Variants in CRHR2 observed in about 807,000 individuals in gnomAD.
The protein encoded by CRHR2 is corticotropin releasing hormone receptor 2.
In CRHR2, 53 loss-of-function variants were observed where a neutral mutation model predicts 57.9. The observed-to-expected ratio is 0.92, with a 90% CI of 0.73 to 1.15. CRHR2 has a LOEUF of 1.15. CRHR2 is among the 50% of genes most tolerant of loss of function. The pLI, the probability that CRHR2 is intolerant of heterozygous loss-of-function variation, is 0.00. For missense variants in CRHR2, 532 were observed against 542.6 expected (o/e 0.98, Z 0.19); for synonymous variants, 213 against 220.9 (o/e 0.96, Z 0.32).
intron 1 of CRHR2, among the ~76,000 whole-genome samples, chr7:30,697,528 C>T (rs1468901886): frequency 6.6e-6 from 1 of 152,134 alleles, no homozygotes; most frequent in Non-Finnish European, 1.5e-5. Context: ...AAGGCCTCCA[C>T]GGGGAATAGG....
At chr7:30,682,856 A>T (rs1000342158), upstream of CRHR2, among the ~76,000 whole-genome samples, 4 of 152,226 alleles carry the variant, frequency 2.6e-5, no homozygotes, top group Non-Finnish European at 5.9e-5. Flanking sequence ...CTGAGCGAGG[A>T]CACTGGAGGG....
chr7:30,686,436 G>A, upstream of CRHR2: 2 of 1,533,180 alleles, frequency 1.3e-6, no homozygotes, highest in South Asian at 2.4e-5. Context: ...TTCAGGCCAA[G>A]GCTCTCTTCC....
rs746826366 is a variant in CRHR2 at position 30,665,021 on chromosome 7, G to A, written c.543+49C>T. ...ACCAGACAGACAGATGGGTGCCCCC[G>A]GAGCCCAGAGCCCCCCAGGTATAGC... On this transcript the variant is annotated intron_variant, in intron 5 of 11. Coordinates refer to ENST00000471646, the MANE Select transcript of CRHR2 (RefSeq NM_001883.5). This position sits in a 1 kb window ranked among gnomAD's most constrained non-coding sequence, Gnocchi z 4.5. 1.2e-4 allele frequency: 179 copies of A among 1,503,986 alleles called. 2 individuals carry two copies. Among genetic ancestry groups the A allele is most frequent in the Non-Finnish European group, 1.4e-4 (151 of 1,080,334 alleles). 93.2% of individuals were successfully genotyped at this position (1,503,986 alleles called of 1,614,324 possible). A position where few individuals can be genotyped will look rare whatever the true frequency, so the allele number is the denominator to read the frequency against.
intron 2 of CRHR2, among the ~76,000 whole-genome samples, chr7:30,672,216 A>G (rs1260828245): frequency 6.6e-6 from 1 of 152,162 alleles, no homozygotes; most frequent in African/African-American, 2.4e-5. Context: ...GGTAGTTTCC[A>G]TGACTGTTCC....
In CRHR2 at chr7:30,660,650, G is replaced by T; in HGVS notation, c.759-5C>A. The T allele has an allele frequency of 6.4e-7, 1 of 1,563,444 alleles. No homozygotes were observed. Among genetic ancestry groups the T allele is most frequent in the East Asian group, 2.4e-5 (1 of 42,232 alleles). ...GGCTCCTTGCCAAACCAGCACCTGT[G>T]AAGATGGGGTGGCTGTAGGGGGCCT... On this transcript the variant is annotated splice_polypyrimidine_tract_variant and splice_region_variant and intron_variant, in intron 7 of 11. Transcript: ENST00000471646.
At chr7:30,686,727 T>C (rs775192805), upstream of CRHR2, 8 of 388,714 alleles carry the variant, frequency 2.1e-5, no homozygotes, top group Non-Finnish European at 3.4e-5. Flanking sequence ...TTCAAATATA[T>C]GTAGCTGCCT....
intron 2 of CRHR2, among the ~76,000 whole-genome samples, chr7:30,667,825 G>T (rs73294480): frequency 0.037 from 5,603 of 152,262 alleles, 363 homozygotes; most frequent in African/African-American, 0.13. Flanking sequence ...TCCCATGAAG[G>T]AGGCATTAAT....
chr7:30,654,905 C>T, intron 11 of CRHR2, 134 bp downstream of exon 11: 1 of 1,551,886 alleles, frequency 6.4e-7, no homozygotes, highest in Non-Finnish European at 8.7e-7. Flanking sequence ...TCCTGTTCCC[C>T]TAAGGCCGGG....
Position 30,655,151 on chromosome 7 carries a change from C to G in CRHR2, c.1054-71G>C, listed in dbSNP as rs370493060. ...AGCTGTTCTGCCTGGTGGGGTGGCA[C>G]TGGGGACAAGATGGTGGGGGGGGGA... On this transcript the variant is annotated intron_variant, in intron 10 of 11. Transcript: ENST00000471646. The G allele has an allele frequency of 1.8e-5, 28 of 1,523,324 alleles. No individual in the cohort carries two copies. In the South Asian group the frequency reaches 3.2e-4, roughly 17 times the overall value. The allele number at this position is 1,523,324 out of a possible 1,614,324, so 94.4% of individuals were successfully genotyped here. A position where few individuals can be genotyped will look rare whatever the true frequency, so the allele number is the denominator to read the frequency against.
rs1435058965 is a variant in CRHR2 at position 30,682,345 on chromosome 7, G to A, written c.-65C>T. 6.9e-7 allele frequency: 1 copy of A among 1,450,286 alleles called. No individual in the cohort carries two copies. The highest frequency in any genetic ancestry group is 1.4e-5 in the South Asian group (1 of 71,914). 89.8% of individuals were successfully genotyped at this position (1,450,286 alleles called of 1,614,324 possible). ...GCGCCCGGCGTGACTGCGAGGGAGT[G>A]GACGCGAGAGTGAGCGGCCGAGAGG... On this transcript the variant is annotated 5_prime_UTR_variant, in exon 1 of 12. Transcript: ENST00000471646.
intron 1 of CRHR2, among the ~76,000 whole-genome samples, chr7:30,691,845 T>A (rs1784966979): frequency 1.3e-5 from 2 of 152,066 alleles, no homozygotes; most frequent in African/African-American, 4.8e-5. Flanking sequence ...GAGCCCCTAG[T>A]GGTGGTGGTG....
Position 30,655,074 on chromosome 7 carries a change from A to G in CRHR2, c.1060T>C (p.Phe354Leu). ...AAGAAGCAGTAGAAGACAGACACGA[A>G]GAAACCCTGGAAAGGAGGGAAAGGA... is the stretch of plus-strand genomic sequence containing the variant. ...NSFLQSFQGFFVSVFYCFFNG... is the reference protein window; with the variant it reads ...NSFLQSFQGFLVSVFYCFFNG... Residue 354 changes from phenylalanine (F) to leucine (L), a missense_variant, in exon 11 of 12, where the codon TTC (phenylalanine) becomes CTC (leucine). Phe to Leu is a conservative substitution (Grantham distance 22, BLOSUM62 0). Coordinates refer to ENST00000471646, the MANE Select transcript of CRHR2 (RefSeq NM_001883.5). 1 of 1,613,624 alleles carries G rather than the reference A, an allele frequency of 6.2e-7. No individual in the cohort carries two copies. Among genetic ancestry groups the G allele is most frequent in the Non-Finnish European group, 8.5e-7 (1 of 1,179,710 alleles).
intron 11 of CRHR2, chr7:30,654,743 C>G (rs1268384463): frequency 6.5e-7 from 1 of 1,536,174 alleles, no homozygotes; most frequent in Non-Finnish European, 8.7e-7. Flanking sequence ...CCTTCTGTCA[C>G]CACCTCTGCT....
chr7:30,654,811 G>A (rs1783715160), intron 11 of CRHR2: 6 of 1,539,084 alleles, frequency 3.9e-6, no homozygotes, highest in Non-Finnish European at 5.2e-6. Flanking sequence ...ACCCAGCTCT[G>A]AGTGCACATG....
chr7:30,671,917 T>C (rs78422285), intron 2 of CRHR2, among the ~76,000 whole-genome samples: 5,815 of 151,654 alleles, frequency 0.038, 130 homozygotes, highest in Middle Eastern at 0.058. Flanking sequence ...GTAGTACTAG[T>C]AGTAGTAGTG....
In CRHR2 at chr7:30,665,496, A is replaced by T. The variant is rs1242349547; in HGVS notation, c.425+34T>A. ...TGAAGGGGGTGCTGTAGGGGGAGGG[A>T]TGAGGAGAAAGCAAGGCGGAAGGGC... On this transcript the variant is annotated intron_variant, in intron 4 of 11. Coordinates refer to ENST00000471646, the MANE Select transcript of CRHR2 (RefSeq NM_001883.5). The surrounding 1 kb of genome is among the most constrained non-coding windows in gnomAD (Gnocchi z 4.5). 1.3e-6 allele frequency: 2 copies of T among 1,507,928 alleles called. No homozygotes were observed. Among genetic ancestry groups the T allele is most frequent in the Non-Finnish European group, 1.8e-6 (2 of 1,107,338 alleles). The allele number at this position is 1,507,928 out of a possible 1,614,324, so 93.4% of individuals were successfully genotyped here.
chr7:30,678,161 C>A (rs1784581040), intron 2 of CRHR2, among the ~76,000 whole-genome samples: 3 of 152,166 alleles, frequency 2.0e-5, no homozygotes, highest in Admixed American at 2.0e-4. Context: ...CTCAGTGATT[C>A]CATAAGCTCC....
intron 1 of CRHR2, among the ~76,000 whole-genome samples, chr7:30,690,637 G>T (rs114290657): frequency 6.6e-6 from 1 of 152,178 alleles, no homozygotes; most frequent in Non-Finnish European, 1.5e-5. Context: ...CAAACATCAC[G>T]TTCTCCACAT....
intron 9 of CRHR2, 59 bp from the exon 10 acceptor site, chr7:30,655,774 T>C (rs1178185100): frequency 6.3e-7 from 1 of 1,591,726 alleles, no homozygotes; most frequent in Non-Finnish European, 8.6e-7. Context: ...CCTCACCCAG[T>C]GGGCGGCGGG....
Sources: allele counts gnomAD v4.1 joint callset (sites outside exome capture counted in the v4.1 genomes callset), GRCh38; gene constraint gnomAD v4.1.1; non-coding constraint Gnocchi (gnomAD v3.1); transcripts MANE v1.5; gene names NCBI Gene and HGNC (gene_info 2026-07-23, HGNC 2026-07-21).